Variants in INPP5A observed in about 807,000 individuals in gnomAD.
INPP5A encodes 43 kDa inositol polyphosphate 5-phophatase.
INPP5A carries 14 observed loss-of-function variants against 65.2 expected under a neutral mutation model. The observed-to-expected ratio is 0.21, with a 90% confidence interval of 0.14 to 0.34. The LOEUF is 0.34. Among genes scored for constraint, INPP5A ranks in the 10% least tolerant of loss-of-function variants. INPP5A has a pLI of 1.00. For synonymous variants in INPP5A, 207 were observed against 208.3 expected (o/e 0.99, Z 0.05); for missense variants, 431 against 545.6 (o/e 0.79, Z 2.09).
At chr10:132,612,726 C>G (rs1203135486) in intron 2 of INPP5A, among the ~76,000 whole-genome samples, 1 of 152,232 alleles carries the variant, frequency 6.6e-6, no homozygotes, top group East Asian at 1.9e-4. Context: ...GGCTGGAGCC[C>G]ATGTCCGCTC....
chr10:132,612,028 C>T (rs1172714199), intron 2 of INPP5A, among the ~76,000 whole-genome samples: 9 of 128,812 alleles, frequency 7.0e-5, no homozygotes, highest in East Asian at 2.5e-4. Flanking sequence ...GGGAGAGGCC[C>T]TGTCAAGAGG....
intron 4 of INPP5A, among the ~76,000 whole-genome samples, chr10:132,683,215 G>A (rs913259369): frequency 2.0e-5 from 3 of 149,580 alleles, no homozygotes; most frequent in Admixed American, 1.3e-4. Context: ...TATGTGGAGG[G>A]CACGTGTCTG....
At chr10:132,751,211 C>G (rs990048961) in intron 11 of INPP5A, among the ~76,000 whole-genome samples, 1 of 152,242 alleles carries the variant, frequency 6.6e-6, no homozygotes, top group Non-Finnish European at 1.5e-5. Flanking sequence ...GCTCCCGTGA[C>G]GCCCACACCT....
intron 3 of INPP5A, among the ~76,000 whole-genome samples, chr10:132,648,600 G>GA (rs1279925023): frequency 2.6e-5 from 4 of 152,146 alleles, no homozygotes; most frequent in African/African-American, 9.7e-5. Flanking sequence ...TTGTTTATCT[G>GA]AAAAAGGTCT....
chr10:132,726,945 G>A, intron 9 of INPP5A, 40 bp downstream of exon 9: 1 of 1,446,728 alleles, frequency 6.9e-7, no homozygotes, highest in Non-Finnish European at 9.5e-7. Flanking sequence ...CTCATGCCTT[G>A]CTCTGTGTTG....
At chr10:132,611,077 G>T (rs367942850) in intron 2 of INPP5A, among the ~76,000 whole-genome samples, 47 of 150,062 alleles carry the variant, frequency 3.1e-4, no homozygotes, top group African/African-American at 1.1e-3. Flanking sequence ...CAGGGCAGAG[G>T]CCCTGTCAGA....
chr10:132,778,601 A>G (rs1010288404), intron 13 of INPP5A, among the ~76,000 whole-genome samples: 7 of 152,270 alleles, frequency 4.6e-5, no homozygotes, highest in African/African-American at 1.7e-4. Flanking sequence ...GTGCGTGGGA[A>G]CTGCAGCTGT....
chr10:132,558,449 A>G (rs918594965), intron 1 of INPP5A, among the ~76,000 whole-genome samples: 1 of 152,182 alleles, frequency 6.6e-6, no homozygotes, highest in African/African-American at 2.4e-5. Flanking sequence ...TCCTGAAGCC[A>G]CGTCCACGTC....
At chr10:132,614,684 C>T (rs929405268) in intron 2 of INPP5A, among the ~76,000 whole-genome samples, 10 of 152,240 alleles carry the variant, frequency 6.6e-5, no homozygotes, top group African/African-American at 2.4e-4. Flanking sequence ...TGCTTATGGC[C>T]CCTCCCACAT....
At chr10:132,756,222 GT>G (rs1337316712) in intron 11 of INPP5A, among the ~76,000 whole-genome samples, 1 of 151,156 alleles carries the variant, frequency 6.6e-6, no homozygotes, top group Admixed American at 6.6e-5. Flanking sequence ...TGTGCACTTT[GT>G]GTGGTGTATG....
chr10:132,614,689 C>G (rs185425644), intron 2 of INPP5A, among the ~76,000 whole-genome samples: 231 of 152,382 alleles, frequency 1.5e-3, no homozygotes, highest in African/African-American at 5.3e-3. Flanking sequence ...ATGGCCCCTC[C>G]CACATTCCTG....
intron 2 of INPP5A, among the ~76,000 whole-genome samples, chr10:132,619,169 A>T (rs910756034): frequency 1.2e-4 from 19 of 152,248 alleles, no homozygotes; most frequent in South Asian, 8.3e-4. Flanking sequence ...CTGCAAAATC[A>T]AAAACAAGTT....
intron 1 of INPP5A, among the ~76,000 whole-genome samples, chr10:132,562,173 G>A (rs1236778643): frequency 3.9e-5 from 6 of 152,358 alleles, no homozygotes; most frequent in East Asian, 3.9e-4. Flanking sequence ...GGGGCCTGGC[G>A]TCCTCCTCCT....
At chr10:132,772,497 A>G (rs112822317) in intron 12 of INPP5A, among the ~76,000 whole-genome samples, 11 of 119,000 alleles carry the variant, frequency 9.2e-5, no homozygotes, top group African/African-American at 1.3e-4. Flanking sequence ...GCACTGACAC[A>G]GAGGCCACAG....
intron 6 of INPP5A, among the ~76,000 whole-genome samples, chr10:132,703,987 CCACA>C (rs1163888861): frequency 1.4e-5 from 2 of 141,342 alleles, no homozygotes; most frequent in Non-Finnish European, 3.1e-5. Context: ...CAAGCTTCAC[CCACA>C]CACACACGCA....
chr10:132,538,811 A>G lies in INPP5A; in HGVS notation c.75+640A>G, dbSNP rs547377982. ...CTTCTGACACAGGGCTGTGGCCCCAACCTCCTGTCCCTGTTCCCCAATCAC... is the reference window on the plus strand; with the variant it reads ...CTTCTGACACAGGGCTGTGGCCCCAGCCTCCTGTCCCTGTTCCCCAATCAC... On this transcript the variant is annotated intron_variant, in intron 1 of 15. Coordinates refer to ENST00000368594, the MANE Select transcript of INPP5A (RefSeq NM_005539.5). The surrounding 1 kb of genome is among the most constrained non-coding windows in gnomAD (Gnocchi z 4.1). Among the ~76,000 whole-genome samples the G allele has an allele frequency of 1.6e-4, 25 of 152,114 alleles. No homozygotes were observed. The highest frequency in any genetic ancestry group is 3.7e-4 in the Non-Finnish European group (25 of 67,982).
chr10:132,560,310 C>T (rs1181069698), intron 1 of INPP5A, among the ~76,000 whole-genome samples: 2 of 152,282 alleles, frequency 1.3e-5, no homozygotes, highest in Non-Finnish European at 2.9e-5. Context: ...TGCTGGGTCA[C>T]GTGATAATTC....
chr10:132,686,091 C>T (rs1003559170), intron 4 of INPP5A, among the ~76,000 whole-genome samples: 7 of 152,230 alleles, frequency 4.6e-5, no homozygotes, highest in Non-Finnish European at 7.3e-5. Flanking sequence ...TCCCAGGCTG[C>T]CTTCAGAGAC....
chr10:132,671,233 C>G (rs1159601757), intron 4 of INPP5A, among the ~76,000 whole-genome samples: 1 of 152,072 alleles, frequency 6.6e-6, no homozygotes, highest in African/African-American at 2.4e-5. Flanking sequence ...CAACTGGGGC[C>G]CCTGGAGCCG....
Sources: gnomAD v4.1 joint callset for allele counts (sites outside exome capture counted in the v4.1 genomes callset) on GRCh38, gnomAD v4.1.1 for gene constraint, Gnocchi (gnomAD v3.1) non-coding constraint, MANE v1.5 for transcripts, NCBI Gene and HGNC (gene_info 2026-07-23, HGNC 2026-07-21) for gene names.